Variants in PAOX observed in about 807,000 individuals in gnomAD.
PAOX encodes peroxisomal N(1)-acetyl-spermine/spermidine oxidase.
PAOX carries 38 observed loss-of-function variants against 39.0 expected under a neutral mutation model. The observed-to-expected ratio is 0.97, with a 90% CI of 0.75 to 1.28. The LOEUF is 1.28. PAOX is among the 50% of genes most tolerant of loss of function. PAOX has a pLI of 0.00. For missense variants in PAOX, 667 were observed against 685.7 expected (o/e 0.97, Z 0.30); for synonymous variants, 311 against 314.4 (o/e 0.99, Z 0.11).
rs1307239348 is a variant in PAOX at position 133,380,454 on chromosome 10, G to A, written c.637G>A (p.Val213Met). 7 of 1,611,072 alleles carry A rather than the reference G, an allele frequency of 4.3e-6. No homozygotes were observed. The highest frequency in any genetic ancestry group is 1.3e-5 in the African/African-American group (1 of 74,922). ...VALAPFGEYT[V>M]LPGLDCTFSK... Reference sequence around the variant, plus strand: ...CCTGGCACCCTTTGGGGAGTATACCGTGCTGCCGGGGCTGGACTGCACCTT... The same window carrying A: ...CCTGGCACCCTTTGGGGAGTATACCATGCTGCCGGGGCTGGACTGCACCTT... Residue 213 changes from valine to methionine, a missense_variant, in exon 2 of 7, where the codon GTG (valine) becomes ATG (methionine). Transcript: ENST00000278060.
At position 133,379,427 on chromosome 10, in the gene PAOX, C is replaced by T. The variant is rs1459288467; in HGVS notation, c.111C>T (p.Ala37=). 27 of 1,224,476 alleles carry T rather than the reference C, an allele frequency of 2.2e-5. No individual in the cohort carries two copies. Among genetic ancestry groups the T allele is most frequent in the African/African-American group, 9.4e-5 (6 of 63,862 alleles). 75.9% of individuals were successfully genotyped at this position (1,224,476 alleles called of 1,614,324 possible). A position where few individuals can be genotyped will look rare whatever the true frequency, so the allele number is the denominator to read the frequency against. Residue 37 remains alanine (A), a synonymous_variant, in exon 1 of 7, where the codon GCC becomes GCT. Coordinates refer to ENST00000278060, the MANE Select transcript of PAOX (RefSeq NM_152911.4). ...GAAQRLCGHS[A]FPHLRVLEAT... is the part of the protein sequence containing the mutation. ...CGCAGAGGCTCTGCGGCCACTCCGC[C>T]TTCCCGCACCTGCGGGTCCTGGAGG...
At chr10:133,381,748 G>A in intron 3 of PAOX, 89 bp downstream of exon 3, 2 of 1,364,394 alleles carry the variant, frequency 1.5e-6, no homozygotes, top group South Asian at 1.3e-5. Context: ...GCGTTTGCTT[G>A]TGTACGAAGC....
intron 2 of PAOX, among the ~76,000 whole-genome samples, chr10:133,381,237 T>A (rs11101726): frequency 0.86 from 131,014 of 152,274 alleles, 57,899 homozygotes; most frequent in East Asian, 0.97. Context: ...TTGCCTTGAG[T>A]GCTCTGTGCC....
chr10:133,380,651 CA>C (rs1849340744), intron 2 of PAOX, among the ~76,000 whole-genome samples, 166 bp downstream of exon 2: 2 of 152,214 alleles, frequency 1.3e-5, no homozygotes, highest in Admixed American at 6.5e-5. Context: ...TCATTTAAGC[CA>C]AAAAAGTTAT....
intron 5 of PAOX, 81 bp downstream of exon 5, chr10:133,389,149 C>T: frequency 8.6e-7 from 1 of 1,161,050 alleles, no homozygotes; most frequent in Non-Finnish European, 1.3e-6. Flanking sequence ...CTTTGCAGAA[C>T]AGAGAAAAAC....
chr10:133,384,580 A>G lies in PAOX; in HGVS notation c.1121+368A>G, dbSNP rs1179634215. Among the ~76,000 whole-genome samples, 1 of 152,174 alleles carries G rather than the reference A, an allele frequency of 6.6e-6. No homozygotes were observed. Among genetic ancestry groups the G allele is most frequent in the African/African-American group, 2.4e-5 (1 of 41,440 alleles). On this transcript the variant is annotated intron_variant, in intron 4 of 6. Coordinates refer to ENST00000278060, the MANE Select transcript of PAOX (RefSeq NM_152911.4). This position sits in a 1 kb window ranked among gnomAD's most constrained non-coding sequence, Gnocchi z 4.3. ...CCATACGTGGGGAGACAATACTTAA[A>G]TGGGATGAAATAATTGAAGGAAACA... is the stretch of plus-strand genomic sequence containing the variant.
At position 133,391,236 on chromosome 10, in the gene PAOX, CCATT is replaced by C. The variant is rs1849672915; in HGVS notation, c.1393-75_1393-72del. 3.5e-6 allele frequency: 5 copies of C among 1,447,246 alleles called. No homozygotes were observed. The South Asian group carries it at 4.6e-5, about 13-fold the overall frequency. The allele number at this position is 1,447,246 out of a possible 1,614,324, so 89.7% of individuals were successfully genotyped here. A position where few individuals can be genotyped will look rare whatever the true frequency, so the allele number is the denominator to read the frequency against. On this transcript the variant is annotated intron_variant, in intron 6 of 6. Transcript: ENST00000278060. ...CTGCTTCTTGGTGGATGCTTGTGAG[CCATT>C]TTCTGTGTTTCCTTGCCCAGACCCT...
At chr10:133,389,771 G>A (rs780309370) in intron 6 of PAOX, 24 bp downstream of exon 6, 2 of 1,450,684 alleles carry the variant, frequency 1.4e-6, no homozygotes, top group Admixed American at 2.6e-5. Context: ...CCCAGTCGGG[G>A]GGCGTGGGTC....
intron 2 of PAOX, 60 bp from the exon 3 acceptor site, chr10:133,381,400 C>T (rs1281343470): frequency 2.0e-6 from 3 of 1,535,822 alleles, no homozygotes; most frequent in Non-Finnish European, 2.7e-6. Flanking sequence ...CACGTATTTC[C>T]ACCAGTCCTG....
chr10:133,382,176 C>T (rs1373559950), intron 3 of PAOX, among the ~76,000 whole-genome samples: 6 of 152,168 alleles, frequency 3.9e-5, no homozygotes, highest in South Asian at 4.1e-4. Flanking sequence ...TTCACGCTGC[C>T]GTGGGTCTCT....
intron 2 of PAOX, 58 bp downstream of exon 2, chr10:133,380,543 G>A: frequency 6.6e-7 from 1 of 1,516,204 alleles, no homozygotes; most frequent in Non-Finnish European, 8.8e-7. Context: ...AGGGCACCGG[G>A]GCTGGCTGAG....
At chr10:133,383,634 C>CA (rs1849455530) in intron 3 of PAOX, among the ~76,000 whole-genome samples, 1 of 144,890 alleles carries the variant, frequency 6.9e-6, no homozygotes, top group Non-Finnish European at 1.5e-5. Context: ...ACCCAAAAAA[C>CA]AAAAAAACAA....
chr10:133,390,352 A>G (rs1849641740), intron 6 of PAOX, among the ~76,000 whole-genome samples: 1 of 151,894 alleles, frequency 6.6e-6, no homozygotes, highest in African/African-American at 2.4e-5. Flanking sequence ...CCTAGGCAGG[A>G]GGTTTGCTGA....
chr10:133,381,823 A>G (rs765823254), intron 3 of PAOX, among the ~76,000 whole-genome samples, 164 bp downstream of exon 3: 56 of 152,186 alleles, frequency 3.7e-4, no homozygotes, highest in Non-Finnish European at 7.9e-4. Context: ...TTTTGTAGCA[A>G]TTACATGCTT....
In PAOX at chr10:133,384,005, C is replaced by T. The variant is rs372017826; in HGVS notation, c.914C>T (p.Pro305Leu). ...HLDTFFDPPL[P>L]AEKAEAIRKI... The stretch of plus-strand genomic sequence containing the variant: ...GACACCTTCTTTGACCCTCCCCTGC[C>T]GGCTGAGAAGGCAGAAGCAATCAGG... Residue 305 changes from proline to leucine, a missense_variant, in exon 4 of 7, where the codon CCG becomes CTG. By Grantham distance (98) the Pro-to-Leu change is moderately conservative. Transcript: ENST00000278060. The surrounding 1 kb of genome is among the most constrained non-coding windows in gnomAD (Gnocchi z 4.3). 61 of 1,614,160 alleles carry T rather than the reference C, an allele frequency of 3.8e-5. No homozygotes were observed. In the Middle Eastern group the frequency reaches 1.5e-3, roughly 39 times the overall value.
At position 133,384,464 on chromosome 10, in the gene PAOX, G is replaced by C. The variant is rs1427656806; in HGVS notation, c.1121+252G>C. Reference sequence around the variant, plus strand: ...AATGTGTTTGTAGACTTGCAGGCAGGCTCAGTCTTCAGTCAGTGGGAACGT... The same window carrying C: ...AATGTGTTTGTAGACTTGCAGGCAGCCTCAGTCTTCAGTCAGTGGGAACGT... On this transcript the variant is annotated intron_variant, in intron 4 of 6. Transcript: ENST00000278060. The surrounding 1 kb of genome is among the most constrained non-coding windows in gnomAD (Gnocchi z 4.3). Among the ~76,000 whole-genome samples the C allele has an allele frequency of 2.0e-5, 3 of 152,220 alleles. No homozygotes were observed. The highest frequency in any genetic ancestry group is 6.5e-5 in the Admixed American group (1 of 15,286).
Position 133,391,464 on chromosome 10 carries a change from A to C in PAOX, c.*9A>C, listed in dbSNP as rs1259577153. Reference sequence around the variant, plus strand: ...CCAGGCCCAGGCTCTAGCTGGGCCCAGCCTACTCTGTTCCACCCGTGTCGG... The same window carrying C: ...CCAGGCCCAGGCTCTAGCTGGGCCCCGCCTACTCTGTTCCACCCGTGTCGG... On this transcript the variant is annotated 3_prime_UTR_variant, in exon 7 of 7. Transcript: ENST00000278060. 6.2e-7 allele frequency: 1 copy of C among 1,609,724 alleles called. No homozygotes were observed. Among genetic ancestry groups the C allele is most frequent in the Non-Finnish European group, 8.5e-7 (1 of 1,178,122 alleles).
chr10:133,381,783 C>T, intron 3 of PAOX, 124 bp downstream of exon 3: 1 of 908,316 alleles, frequency 1.1e-6, no homozygotes, highest in Admixed American at 2.5e-5. Flanking sequence ...TAGTAAGTTC[C>T]AGATAGGTGG....
At position 133,387,701 on chromosome 10, in the gene PAOX, C is replaced by T. The variant is rs146579935; in HGVS notation, c.1122-1255C>T. Among the ~76,000 whole-genome samples, 343 of 152,300 alleles carry T rather than the reference C, an allele frequency of 2.3e-3. 1 individual carries two copies. The highest frequency in any genetic ancestry group is 8.0e-3 in the African/African-American group (333 of 41,572). ...CCACGCGCAGCAGGAGTGTTCTATG[C>T]GGATCCCGCTTCTCCACGCAGATTA... On this transcript the variant is annotated intron_variant, in intron 4 of 6. Coordinates refer to ENST00000278060, the MANE Select transcript of PAOX (RefSeq NM_152911.4).
Sources: gnomAD v4.1 joint callset for allele counts (sites outside exome capture counted in the v4.1 genomes callset) on GRCh38, gnomAD v4.1.1 for gene constraint, Gnocchi (gnomAD v3.1) non-coding constraint, MANE v1.5 for transcripts, NCBI Gene and HGNC (gene_info 2026-07-23, HGNC 2026-07-21) for gene names.